The following TACR3 variants were observed in gnomAD, a reference collection of about 807,000 sequenced individuals.
TACR3 encodes tachykinin receptor 3, also known as neuromedin-K receptor.
A neutral mutation model predicts 35.0 loss-of-function variants in TACR3; 34 were observed. The ratio of observed to expected loss-of-function variants is 0.97; its 90% CI spans 0.74 to 1.30. The LOEUF (loss-of-function observed/expected upper bound fraction) is 1.30. Among genes scored for constraint, TACR3 ranks in the 50% most tolerant of loss-of-function variants. The pLI is 0.00. For missense variants in TACR3, 558 were observed against 591.7 expected (o/e 0.94, Z 0.59); for synonymous variants, 233 against 221.1 (o/e 1.05, Z -0.48).
intron 3 of TACR3, among the ~76,000 whole-genome samples, chr4:103,593,822 C>T (rs1241722803): frequency 1.3e-5 from 2 of 152,102 alleles, no homozygotes; most frequent in South Asian, 2.1e-4. Context: ...TCTTAGCTTG[C>T]TCTTTCTCTT....
intron 1 of TACR3, among the ~76,000 whole-genome samples, chr4:103,668,101 A>G (rs1032882273): frequency 6.6e-6 from 1 of 152,002 alleles, no homozygotes; most frequent in Non-Finnish European, 1.5e-5. Context: ...CAAATTGGTG[A>G]ATCACCACAC....
At chr4:103,654,351 G>A (rs1157819100) in intron 3 of TACR3, among the ~76,000 whole-genome samples, 7 of 151,630 alleles carry the variant, frequency 4.6e-5, no homozygotes, top group Admixed American at 2.6e-4. Context: ...TATACACCAT[G>A]GAATACTATG....
chr4:103,615,558 A>C (rs1282292456), intron 3 of TACR3, among the ~76,000 whole-genome samples: 1 of 152,200 alleles, frequency 6.6e-6, no homozygotes, highest in Non-Finnish European at 1.5e-5. Context: ...ATATTTCCAC[A>C]AAATAACAAG....
At chr4:103,642,387 C>T (rs1159864591) in intron 3 of TACR3, among the ~76,000 whole-genome samples, 1 of 151,252 alleles carries the variant, frequency 6.6e-6, no homozygotes, top group East Asian at 1.9e-4. Flanking sequence ...TTTAAATTGG[C>T]AAATTATTAT....
chr4:103,598,045 T>C (rs1724083705), intron 3 of TACR3, among the ~76,000 whole-genome samples: 1 of 152,170 alleles, frequency 6.6e-6, no homozygotes, highest in Non-Finnish European at 1.5e-5. Flanking sequence ...TCCACAGTGG[T>C]TGAACTAGTT....
At chr4:103,699,866 G>C (rs925508004) in intron 1 of TACR3, among the ~76,000 whole-genome samples, 8 of 146,312 alleles carry the variant, frequency 5.5e-5, no homozygotes, top group Non-Finnish European at 4.5e-5. Flanking sequence ...ATGACCCTCA[G>C]ACACTCAGAT....
chr4:103,654,843 G>T (rs1402111792), intron 3 of TACR3, among the ~76,000 whole-genome samples: 1 of 151,938 alleles, frequency 6.6e-6, no homozygotes, highest in East Asian at 1.9e-4. Context: ...CCCAAGAAAA[G>T]AGTATCTTTC....
intron 3 of TACR3, among the ~76,000 whole-genome samples, chr4:103,609,658 T>C (rs1175452678): frequency 6.6e-6 from 1 of 152,104 alleles, no homozygotes; most frequent in East Asian, 1.9e-4. Flanking sequence ...AATACATTAT[T>C]GTTGACTATA....
intron 1 of TACR3, among the ~76,000 whole-genome samples, chr4:103,707,756 G>C (rs190554690): frequency 2.0e-5 from 3 of 152,196 alleles, no homozygotes; most frequent in African/African-American, 7.2e-5. Flanking sequence ...TCCTAGTCAA[G>C]GGAAGCTGTG....
chr4:103,620,906 A>G (rs2110303773), intron 3 of TACR3, among the ~76,000 whole-genome samples: 1 of 152,358 alleles, frequency 6.6e-6, no homozygotes, highest in African/African-American at 2.4e-5. Flanking sequence ...AAAAATAAAG[A>G]TTCCAAGGAA....
chr4:103,619,615 T>G (rs2110302985), intron 3 of TACR3, among the ~76,000 whole-genome samples: 1 of 152,336 alleles, frequency 6.6e-6, no homozygotes, highest in South Asian at 2.1e-4. Flanking sequence ...AGGAGAATGG[T>G]TTGAGCTTTT....
chr4:103,670,307 C>A (rs2110336203), intron 1 of TACR3, among the ~76,000 whole-genome samples: 1 of 152,074 alleles, frequency 6.6e-6, no homozygotes, highest in Non-Finnish European at 1.5e-5. Context: ...ATTACTTTGG[C>A]TATTTGGGAT....
chr4:103,691,061 A>G (rs764903219), intron 1 of TACR3, among the ~76,000 whole-genome samples: 12 of 152,326 alleles, frequency 7.9e-5, no homozygotes, highest in Non-Finnish European at 1.6e-4. Flanking sequence ...GCAGTTTCTT[A>G]TAAAGTTAAA....
intron 3 of TACR3, among the ~76,000 whole-genome samples, chr4:103,599,293 T>C (rs1432937254): frequency 6.6e-6 from 1 of 152,184 alleles, no homozygotes; most frequent in Non-Finnish European, 1.5e-5. Flanking sequence ...GTGGTTTTTG[T>C]ACATTGATTT....
At chr4:103,634,082 AG>A (rs1725127011) in intron 3 of TACR3, among the ~76,000 whole-genome samples, 1 of 152,134 alleles carries the variant, frequency 6.6e-6, no homozygotes, top group Admixed American at 6.6e-5. Context: ...TAGGACTAGA[AG>A]GCAGATGGCA....
intron 3 of TACR3, among the ~76,000 whole-genome samples, chr4:103,603,400 G>C (rs564542917): frequency 6.6e-6 from 1 of 152,352 alleles, no homozygotes; most frequent in South Asian, 2.1e-4. Flanking sequence ...TGCACCCACT[G>C]TCTTGCACCT....
intron 1 of TACR3, among the ~76,000 whole-genome samples, chr4:103,687,427 T>C (rs1295136057): frequency 6.6e-6 from 1 of 151,980 alleles, no homozygotes. Flanking sequence ...AAATAAAGGG[T>C]ATTCAGTTAG....
At chr4:103,592,753 A>G (rs981122936) in intron 3 of TACR3, among the ~76,000 whole-genome samples, 3 of 152,232 alleles carry the variant, frequency 2.0e-5, no homozygotes, top group Admixed American at 6.6e-5. Context: ...AGGAAGATAC[A>G]GTATTTATGA....
intron 1 of TACR3, among the ~76,000 whole-genome samples, chr4:103,714,195 C>T (rs1311576847): frequency 1.3e-5 from 2 of 151,688 alleles, no homozygotes; most frequent in East Asian, 1.9e-4. Flanking sequence ...GATTTTTATG[C>T]CTGTTAAATA....
Sources: gnomAD v4.1 joint callset for allele counts (sites outside exome capture counted in the v4.1 genomes callset) on GRCh38, gnomAD v4.1.1 for gene constraint, MANE v1.5 for transcripts, NCBI Gene and HGNC (gene_info 2026-07-23, HGNC 2026-07-21) for gene names.